Variants in PHACTR2 observed in about 807,000 individuals in gnomAD.
PHACTR2 encodes the protein phosphatase and actin regulator 2.
In PHACTR2, 30 loss-of-function variants were observed where a neutral mutation model predicts 76.0. That is an observed-to-expected ratio of 0.39 (90% CI 0.30 to 0.54). The LOEUF is 0.54. Among genes scored for constraint, PHACTR2 ranks in the 20% least tolerant of loss-of-function variants. The pLI is 0.61. For synonymous variants in PHACTR2, 292 were observed against 292.5 expected, an observed-to-expected ratio of 1.00 and a Z score of 0.02; for missense variants, 696 against 781.1, an observed-to-expected ratio of 0.89 and a Z score of 1.30.
At chr6:143,630,760 A>G (rs1409787700) in intron 1 of PHACTR2, among the ~76,000 whole-genome samples, 3 of 152,250 alleles carry the variant, frequency 2.0e-5, no homozygotes, top group Non-Finnish European at 2.9e-5. Context: ...ATTGAAACTA[A>G]TAAGTGAAAA....
chr6:143,642,332 TA>T (rs1284853225), intron 1 of PHACTR2, among the ~76,000 whole-genome samples: 1 of 152,246 alleles, frequency 6.6e-6, no homozygotes, highest in Admixed American at 6.5e-5. Context: ...TTCGCGAACC[TA>T]AAAAATGTGA....
In PHACTR2 at chr6:143,723,686, G is replaced by A. The variant is rs138868903; in HGVS notation, c.214+11503G>A. ...TGTTGTGGGGAAAATCAGAGTATAC[G>A]TGGAGATCGAGAATAGCGGTCAGTG... On this transcript the variant is annotated intron_variant, in intron 2 of 12. Coordinates refer to ENST00000440869, the MANE Select transcript of PHACTR2 (RefSeq NM_001100164.2). 2.3e-3 allele frequency among the ~76,000 whole-genome samples: 344 copies of A among 152,252 alleles called. 1 individual carries two copies. Among genetic ancestry groups the A allele is most frequent in the African/African-American group, 7.8e-3 (324 of 41,562 alleles).
rs1779553581 is a variant in PHACTR2 at position 143,765,894 on chromosome 6, A to G, written c.1232+96A>G. ...AGCACCGGGTTTGCTTTCTTATATAATTTAATCTACTGAGTGTTAGGTAGG... is the reference window on the plus strand; with the variant it reads ...AGCACCGGGTTTGCTTTCTTATATAGTTTAATCTACTGAGTGTTAGGTAGG... On this transcript the variant is annotated intron_variant, in intron 6 of 12. Transcript: ENST00000440869. This position sits in a 1 kb window ranked among gnomAD's most constrained non-coding sequence, Gnocchi z 4.1. 1.9e-6 allele frequency: 2 copies of G among 1,038,262 alleles called. No individual in the cohort carries two copies. Among genetic ancestry groups the G allele is most frequent in the South Asian group, 3.2e-5 (2 of 63,112 alleles). 64.3% of individuals were successfully genotyped at this position (1,038,262 alleles called of 1,614,324 possible).
At chr6:143,640,591 G>T (rs754557906) in intron 1 of PHACTR2, among the ~76,000 whole-genome samples, 5 of 152,168 alleles carry the variant, frequency 3.3e-5, no homozygotes, top group Admixed American at 6.5e-5. Context: ...TATTCCTCTT[G>T]ATTGAGCCTC....
Position 143,795,066 on chromosome 6 carries a change from G to C in PHACTR2, c.1845+6156G>C, listed in dbSNP as rs1775797063. 6.6e-6 allele frequency among the ~76,000 whole-genome samples: 1 copy of C among 152,102 alleles called. No homozygotes were observed. The highest frequency in any genetic ancestry group is 1.5e-5 in the Non-Finnish European group (1 of 68,032). On this transcript the variant is annotated intron_variant, in intron 11 of 12. Coordinates refer to ENST00000440869, the MANE Select transcript of PHACTR2 (RefSeq NM_001100164.2). The surrounding 1 kb of genome is among the most constrained non-coding windows in gnomAD (Gnocchi z 4.8). ...GCTCATGTTGGAAAAGAGAAGTGGTGGGAGAAATGCCTTATTAATTGTGAA... is the reference window on the plus strand; with the variant it reads ...GCTCATGTTGGAAAAGAGAAGTGGTCGGAGAAATGCCTTATTAATTGTGAA...
At position 143,539,901 on chromosome 6, in the gene PHACTR2, T is replaced by G. The variant is rs1031984537; in HGVS notation, c.217+2694T>G. On this transcript the variant is annotated intron_variant, in intron 1 of 11. Coordinates refer to the PHACTR2 transcript ENST00000367584. The surrounding 1 kb of genome is among the most constrained non-coding windows in gnomAD (Gnocchi z 4.3). ...AGTTAACAACGAAGCAACCTGTGGC[T>G]GGGTCGCACACCTAGGGATTCTGAT... Among the ~76,000 whole-genome samples the G allele has an allele frequency of 6.6e-6, 1 of 152,328 alleles. No individual in the cohort carries two copies. Among genetic ancestry groups the G allele is most frequent in the African/African-American group, 2.4e-5 (1 of 41,560 alleles).
rs931202115 is a variant in PHACTR2, at chr6:143,738,735, G to A, written c.215-10250G>A. On this transcript the variant is annotated intron_variant, in intron 2 of 12. Coordinates refer to ENST00000440869, the MANE Select transcript of PHACTR2 (RefSeq NM_001100164.2). This position sits in a 1 kb window ranked among gnomAD's most constrained non-coding sequence, Gnocchi z 4.0. The stretch of plus-strand genomic sequence containing the variant: ...CGTGCAACTGTACTCCAGCCTGGGT[G>A]ATAGAGCAGGACCTTGTCTCAAAAA... Among the ~76,000 whole-genome samples the A allele has an allele frequency of 8.6e-5, 13 of 151,982 alleles. No individual in the cohort carries two copies. The highest frequency in any genetic ancestry group is 1.6e-4 in the Non-Finnish European group (11 of 67,974).
In PHACTR2 at chr6:143,578,935, G is replaced by T. The variant is rs1354877356; in HGVS notation, c.217+41728G>T. Among the ~76,000 whole-genome samples the T allele has an allele frequency of 6.6e-6, 1 of 151,968 alleles. No homozygotes were observed. The highest frequency in any genetic ancestry group is 1.5e-5 in the Non-Finnish European group (1 of 67,984). ...TTTTTTGTTGTTGAGACAGGATCTT[G>T]TTCTGGCACCCAGGCTGGAGTGCAG... On this transcript the variant is annotated intron_variant, in intron 1 of 11. Transcript: ENST00000367584. The surrounding 1 kb of genome is among the most constrained non-coding windows in gnomAD (Gnocchi z 4.5).
chr6:143,627,087 C>G lies in PHACTR2; in HGVS notation c.13+18765C>G, dbSNP rs1377967126. On this transcript the variant is annotated intron_variant, in intron 1 of 11. Transcript: ENST00000305766. This position sits in a 1 kb window ranked among gnomAD's most constrained non-coding sequence, Gnocchi z 4.3. ...GACGCCAACACTGTTGTGAGGAGAC[C>G]GATGAGACATAGAACTGGAAGTGCT... 6.6e-6 allele frequency among the ~76,000 whole-genome samples: 1 copy of G among 152,062 alleles called. No individual in the cohort carries two copies. The highest frequency in any genetic ancestry group is 1.5e-5 in the Non-Finnish European group (1 of 68,030).
rs927856109 is a variant in PHACTR2 at position 143,546,869 on chromosome 6, A to T, written c.217+9662A>T. On this transcript the variant is annotated intron_variant, in intron 1 of 11. Transcript: ENST00000367584. This position sits in a 1 kb window ranked among gnomAD's most constrained non-coding sequence, Gnocchi z 4.9. The stretch of plus-strand genomic sequence containing the variant: ...AGTGAGACCCCATCTCAAAAAAAAA[A>T]AAAATAAAAAATAAAAAATTAGCCA... Among the ~76,000 whole-genome samples the T allele has an allele frequency of 1.6e-4, 24 of 149,196 alleles. No individual in the cohort carries two copies. The highest frequency in any genetic ancestry group is 1.7e-4 in the African/African-American group (7 of 40,358).
At position 143,821,054 on chromosome 6, in the gene PHACTR2, A is replaced by C. The variant is rs150273716; in HGVS notation, c.1923-2620A>C. Among the ~76,000 whole-genome samples the C allele has an allele frequency of 2.2e-3, 334 of 152,374 alleles. No homozygotes were observed. The highest frequency in any genetic ancestry group is 3.4e-3 in the Middle Eastern group (1 of 294). ...GCTGGAGCCAAAGTGGCTGGGATGC[A>C]GGGAACAATGTCCTGAGGCTGCACG... On this transcript the variant is annotated intron_variant, in intron 12 of 12. Coordinates refer to ENST00000440869, the MANE Select transcript of PHACTR2 (RefSeq NM_001100164.2). The surrounding 1 kb of genome is among the most constrained non-coding windows in gnomAD (Gnocchi z 5.2).
chr6:143,674,455 G>A (rs1258844175), upstream of PHACTR2, among the ~76,000 whole-genome samples: 1 of 152,100 alleles, frequency 6.6e-6, no homozygotes, highest in Non-Finnish European at 1.5e-5. This position sits in a 1 kb window ranked among gnomAD's most constrained non-coding sequence, Gnocchi z 4.9. Flanking sequence ...ATTAGCCAAG[G>A]AAATGTCACT....
intron 1 of PHACTR2, among the ~76,000 whole-genome samples, chr6:143,566,668 C>G (rs9403506): frequency 0.61 from 92,852 of 151,474 alleles, 28,767 homozygotes; most frequent in Middle Eastern, 0.72. Flanking sequence ...CCCTCATGCA[C>G]ATGGTCCCTG....
rs1776409316 is a variant in PHACTR2 at position 143,821,116 on chromosome 6, GAA to G, written c.1923-2556_1923-2555del. Among the ~76,000 whole-genome samples, 1 of 152,244 alleles carries G rather than the reference GAA, an allele frequency of 6.6e-6. No individual in the cohort carries two copies. The highest frequency in any genetic ancestry group is 1.5e-5 in the Non-Finnish European group (1 of 68,038). ...CCCTTGACCTGGCCCTCGAAAAAGTGAAAGAGTGATGTTGCCTCTGTGTATCA... is the reference window on the plus strand; with the variant it reads ...CCCTTGACCTGGCCCTCGAAAAAGTGAGAGTGATGTTGCCTCTGTGTATCA... On this transcript the variant is annotated intron_variant, in intron 12 of 12. Transcript: ENST00000440869. The surrounding 1 kb of genome is among the most constrained non-coding windows in gnomAD (Gnocchi z 5.2).
At chr6:143,590,639 T>A (rs1775679433) in intron 1 of PHACTR2, among the ~76,000 whole-genome samples, 1 of 151,878 alleles carries the variant, frequency 6.6e-6, no homozygotes, top group African/African-American at 2.4e-5. Flanking sequence ...TCAGTGCAAT[T>A]TTTAGGTTTA....
At chr6:143,766,253 G>A (rs899084183) in intron 6 of PHACTR2, among the ~76,000 whole-genome samples, 3 of 152,142 alleles carry the variant, frequency 2.0e-5, no homozygotes, top group African/African-American at 2.4e-5. Context: ...CCCCTTTCTT[G>A]TTCCTTTAAA....
In PHACTR2 at chr6:143,646,419, G is replaced by A. The variant is rs572531711; in HGVS notation, c.13+38097G>A. On this transcript the variant is annotated intron_variant, in intron 1 of 11. Transcript: ENST00000305766. The surrounding 1 kb of genome is among the most constrained non-coding windows in gnomAD (Gnocchi z 4.1). Reference sequence around the variant, plus strand: ...ATTCAGTAGCTCTCAAATATCCATAGTATGAGTGACAGACCTGTAAAATCT... The same window carrying A: ...ATTCAGTAGCTCTCAAATATCCATAATATGAGTGACAGACCTGTAAAATCT... Among the ~76,000 whole-genome samples, 1 of 152,096 alleles carries A rather than the reference G, an allele frequency of 6.6e-6. No individual in the cohort carries two copies. The highest frequency in any genetic ancestry group is 2.1e-4 in the South Asian group (1 of 4,824).
At position 143,549,258 on chromosome 6, in the gene PHACTR2, A is replaced by G. The variant is rs188352248; in HGVS notation, c.217+12051A>G. ...CAGATCAGGCCTAGGTCTCTTCCCA[A>G]ATGGAACAATATGGTAGTGAGGCCA... On this transcript the variant is annotated intron_variant, in intron 1 of 11. Coordinates refer to the PHACTR2 transcript ENST00000367584. This position sits in a 1 kb window ranked among gnomAD's most constrained non-coding sequence, Gnocchi z 4.2. Among the ~76,000 whole-genome samples, 1 of 151,948 alleles carries G rather than the reference A, an allele frequency of 6.6e-6. No homozygotes were observed. Among genetic ancestry groups the G allele is most frequent in the Admixed American group, 6.6e-5 (1 of 15,252 alleles).
upstream of PHACTR2, among the ~76,000 whole-genome samples, chr6:143,673,211 G>A (rs1777187303): frequency 6.6e-6 from 1 of 152,108 alleles, no homozygotes; most frequent in South Asian, 2.1e-4. Flanking sequence ...TGAATGAGTA[G>A]ATGATTATTT....
Sources: gnomAD v4.1 joint callset for allele counts (sites outside exome capture counted in the v4.1 genomes callset) on GRCh38, gnomAD v4.1.1 for gene constraint, Gnocchi (gnomAD v3.1) non-coding constraint, MANE v1.5 for transcripts, NCBI Gene and HGNC (gene_info 2026-07-23, HGNC 2026-07-21) for gene names.